The following TMEM131L variants were observed in gnomAD, a reference collection of about 807,000 sequenced individuals.
The protein encoded by TMEM131L is transmembrane 131 like.
A neutral mutation model predicts 192.2 loss-of-function variants in TMEM131L; 54 were observed. The ratio of observed to expected loss-of-function variants is 0.28; its 90% CI spans 0.23 to 0.35. The LOEUF is 0.35. Among genes scored for constraint, TMEM131L ranks in the 10% least tolerant of loss-of-function variants. TMEM131L has a pLI of 1.00. For synonymous variants in TMEM131L, 701 were observed against 704.9 expected, an observed-to-expected ratio of 0.99 and a Z score of 0.09; for missense variants, 1,888 against 1,972.9, an observed-to-expected ratio of 0.96 and a Z score of 0.82.
chr4:153,531,166 G>A (rs1209400317), intron 3 of TMEM131L, among the ~76,000 whole-genome samples: 2 of 152,192 alleles, frequency 1.3e-5, no homozygotes, highest in Non-Finnish European at 2.9e-5. Context: ...CCTAGTGGAT[G>A]CATGTACACT....
At chr4:153,565,129 C>T (rs960728031) in intron 7 of TMEM131L, among the ~76,000 whole-genome samples, 3 of 152,224 alleles carry the variant, frequency 2.0e-5, no homozygotes, top group African/African-American at 7.2e-5. Context: ...GGTCCACACC[C>T]TGCCTTAATG....
chr4:153,584,947 T>G lies in TMEM131L; in HGVS notation c.1157+16T>G. The G allele has an allele frequency of 6.4e-7, 1 of 1,562,720 alleles. No homozygotes were observed. Among genetic ancestry groups the G allele is most frequent in the Non-Finnish European group, 8.8e-7 (1 of 1,133,294 alleles). ...TGGCTCAGGGGTAGGTTACTTCCAC[T>G]TTCCCTGAAATCTTGTATGGTTGTT... On this transcript the variant is annotated intron_variant, in intron 12 of 34. Transcript: ENST00000409959.
intron 3 of TMEM131L, among the ~76,000 whole-genome samples, chr4:153,501,630 C>T (rs141809420): frequency 6.6e-6 from 1 of 152,342 alleles, no homozygotes; most frequent in African/African-American, 2.4e-5. Context: ...TTACCATCAT[C>T]ACTGTCACTG....
intron 7 of TMEM131L, among the ~76,000 whole-genome samples, chr4:153,573,788 A>G (rs1159326465): frequency 1.3e-5 from 2 of 152,220 alleles, no homozygotes; most frequent in East Asian, 1.9e-4. Context: ...GTTTTAGGGG[A>G]AAAAAAATCT....
intron 2 of TMEM131L, among the ~76,000 whole-genome samples, chr4:153,472,105 C>T (rs1731200212): frequency 6.6e-6 from 1 of 152,014 alleles, no homozygotes; most frequent in South Asian, 2.1e-4. Flanking sequence ...ATGGGTTGGG[C>T]ACTTCTGGCA....
chr4:153,606,233 C>G (rs1417473687), intron 25 of TMEM131L, among the ~76,000 whole-genome samples: 1 of 152,094 alleles, frequency 6.6e-6, no homozygotes, highest in Non-Finnish European at 1.5e-5. Context: ...TGGACATTTC[C>G]CCTGTTACGT....
chr4:153,588,674 G>A (rs566971116), intron 15 of TMEM131L, among the ~76,000 whole-genome samples: 2 of 151,992 alleles, frequency 1.3e-5, no homozygotes. Flanking sequence ...TACATAATTC[G>A]ATTTAGTTTT....
chr4:153,608,618 A>C (rs1726468109), intron 25 of TMEM131L, among the ~76,000 whole-genome samples: 1 of 152,234 alleles, frequency 6.6e-6, no homozygotes, highest in Admixed American at 6.5e-5. Context: ...CAGTACCTGA[A>C]AGTTTTCACT....
chr4:153,566,661 G>T (rs1488843241), intron 7 of TMEM131L, among the ~76,000 whole-genome samples: 1 of 152,122 alleles, frequency 6.6e-6, no homozygotes, highest in East Asian at 1.9e-4. Context: ...GAAACCCAGA[G>T]AAATGAAACA....
intron 3 of TMEM131L, among the ~76,000 whole-genome samples, chr4:153,519,458 G>A (rs1049467227): frequency 6.6e-6 from 1 of 152,224 alleles, no homozygotes; most frequent in South Asian, 2.1e-4. Context: ...AACACCATAA[G>A]TGTGTTAGGG....
chr4:153,620,809 A>G lies in TMEM131L; in HGVS notation c.3621A>G (p.Leu1207=), dbSNP rs761764179. 6.3e-7 allele frequency: 1 copy of G among 1,593,814 alleles called. No individual in the cohort carries two copies. Among genetic ancestry groups the G allele is most frequent in the Non-Finnish European group, 8.6e-7 (1 of 1,168,306 alleles). ...TTCAGGAGAAAAGAGAAGGAAATTT[A>G]CAAAATTTAAATTGGAGTAAAAGTC... is the stretch of plus-strand genomic sequence containing the variant. The part of the protein sequence containing the change: ...KKLQEKREGN[L]QNLNWSKSRT... Residue 1207 remains leucine, a synonymous_variant, in exon 27 of 35, where the codon TTA becomes TTG. Transcript: ENST00000409959.
intron 25 of TMEM131L, among the ~76,000 whole-genome samples, chr4:153,605,016 T>G (rs1732123792): frequency 6.6e-6 from 1 of 152,198 alleles, no homozygotes; most frequent in African/African-American, 2.4e-5. Flanking sequence ...ATTATTTTTT[T>G]TAGCTCAGAT....
At position 153,584,007 on chromosome 4, in the gene TMEM131L, T is replaced by G. The variant is rs185084339; in HGVS notation, c.1060+335T>G. Among the ~76,000 whole-genome samples, 8 of 152,336 alleles carry G rather than the reference T, an allele frequency of 5.3e-5. No individual in the cohort carries two copies. In the East Asian group the frequency reaches 1.2e-3, roughly 22 times the overall value. On this transcript the variant is annotated intron_variant, in intron 11 of 34. Transcript: ENST00000409959. The stretch of plus-strand genomic sequence containing the variant: ...GGCAAATCTCTATGAAAATTTAAAA[T>G]GCACATATTTACTCTTTGATCCTTA...
At chr4:153,467,139 A>G (rs1579992956) in intron 1 of TMEM131L, 72 bp from the exon 2 acceptor site, 2 of 1,418,022 alleles carry the variant, frequency 1.4e-6, no homozygotes, top group Non-Finnish European at 2.0e-6. Flanking sequence ...GCACGGAGGG[A>G]CGGTAGGGGA....
intron 12 of TMEM131L, 148 bp downstream of exon 12, chr4:153,585,079 C>T: frequency 1.5e-6 from 1 of 653,494 alleles, no homozygotes; most frequent in Non-Finnish European, 2.7e-6. Flanking sequence ...TGCTAACAGG[C>T]AGTGAAAGGG....
chr4:153,595,013 T>C (rs1405419821), intron 19 of TMEM131L, among the ~76,000 whole-genome samples: 1 of 152,206 alleles, frequency 6.6e-6, no homozygotes, highest in African/African-American at 2.4e-5. Flanking sequence ...GAACAAATGA[T>C]GTAACTCATT....
At chr4:153,588,019 A>G (rs1267164704) in intron 15 of TMEM131L, among the ~76,000 whole-genome samples, 2 of 148,912 alleles carry the variant, frequency 1.3e-5, no homozygotes. Context: ...TTTATTATCT[A>G]GTAGCTTGTA....
At chr4:153,543,377 C>T (rs771057805) in intron 3 of TMEM131L, among the ~76,000 whole-genome samples, 2 of 152,084 alleles carry the variant, frequency 1.3e-5, no homozygotes, top group South Asian at 2.1e-4. Context: ...ACAGAAAAAA[C>T]GACTTGTACT....
At chr4:153,470,002 T>G (rs1481084885) in intron 2 of TMEM131L, among the ~76,000 whole-genome samples, 1 of 151,906 alleles carries the variant, frequency 6.6e-6, no homozygotes, top group East Asian at 1.9e-4. Flanking sequence ...AGTTATTTAT[T>G]TTGGAGATGT....
Sources: allele counts gnomAD v4.1 joint callset (sites outside exome capture counted in the v4.1 genomes callset), GRCh38; gene constraint gnomAD v4.1.1; transcripts MANE v1.5; gene names NCBI Gene and HGNC (gene_info 2026-07-23, HGNC 2026-07-21).